RTN4RL2: variants seen among roughly 807,000 people sequenced by gnomAD.
RTN4RL2 encodes the protein reticulon 4 receptor like 2.
RTN4RL2 carries 9 observed loss-of-function variants against 27.8 expected under a neutral mutation model. The observed-to-expected ratio is 0.32, with a 90% CI of 0.20 to 0.57. RTN4RL2 has a LOEUF of 0.57. RTN4RL2 is among the 20% of genes least tolerant of loss of function. RTN4RL2 has a pLI of 0.90. For missense variants in RTN4RL2, 436 were observed against 596.8 expected, an observed-to-expected ratio of 0.73 and a Z score of 2.81; for synonymous variants, 285 against 297.9, an observed-to-expected ratio of 0.96 and a Z score of 0.45.
rs1191639322 is a variant in RTN4RL2 at position 57,467,708 on chromosome 11, T to C, written c.131T>C (p.Val44Ala). Reference sequence around the variant, plus strand: ...ACCTGCTACTCATCCCCGCCCACCGTGAGCTGCCAGGCCAACAACTTCTCC... The same window carrying C: ...ACCTGCTACTCATCCCCGCCCACCGCGAGCTGCCAGGCCAACAACTTCTCC... ...LCTCYSSPPT[V>A]SCQANNFSSV... Residue 44 changes from valine to alanine, a missense_variant, in exon 2 of 3, where the codon GTG (valine) becomes GCG (alanine). Physicochemically the swap from Val to Ala is moderately conservative, Grantham distance 64. This residue lies in a region of RTN4RL2 where 365 missense variants were observed against 530.5 expected (regional missense o/e 0.69). Transcript: ENST00000335099. This position sits in a 1 kb window ranked among gnomAD's most constrained non-coding sequence, Gnocchi z 5.5. 6.2e-7 allele frequency: 1 copy of C among 1,612,436 alleles called. No homozygotes were observed. The highest frequency in any genetic ancestry group is 2.2e-5 in the East Asian group (1 of 44,846).
rs1165867334 is a variant in RTN4RL2, at chr11:57,467,730, C to T, written c.153C>T (p.Phe51=). ...CCGTGAGCTGCCAGGCCAACAACTT[C>T]TCCTCTGTGCCGCTGTCCCTGCCAC... ...PPTVSCQANN[F]SSVPLSLPPS... Residue 51 remains phenylalanine (F), a synonymous_variant, in exon 2 of 3, where the codon TTC becomes TTT. Coordinates refer to ENST00000335099, the MANE Select transcript of RTN4RL2 (RefSeq NM_178570.3). The surrounding 1 kb of genome is among the most constrained non-coding windows in gnomAD (Gnocchi z 5.5). 1.4e-5 allele frequency: 22 copies of T among 1,613,538 alleles called. No homozygotes were observed. Among genetic ancestry groups the T allele is most frequent in the Non-Finnish European group, 1.6e-5 (19 of 1,180,010 alleles).
At chr11:57,475,102 T>G (rs371878975) in intron 2 of RTN4RL2, among the ~76,000 whole-genome samples, 185 of 152,312 alleles carry the variant, frequency 1.2e-3, no homozygotes, top group African/African-American at 4.2e-3. Context: ...CCTATTGTCA[T>G]AGTAGCCACC....
chr11:57,477,081 G>C lies in RTN4RL2; in HGVS notation c.*170G>C, dbSNP rs917767945. Reference sequence around the variant, plus strand: ...GCCGCCTCTCCTTGCCTGCCCCCTGGGCTGTCCTGACTTGTGGCAGCCCCA... The same window carrying C: ...GCCGCCTCTCCTTGCCTGCCCCCTGCGCTGTCCTGACTTGTGGCAGCCCCA... On this transcript the variant is annotated 3_prime_UTR_variant, in exon 3 of 3. Coordinates refer to ENST00000335099, the MANE Select transcript of RTN4RL2 (RefSeq NM_178570.3). 3.2e-6 allele frequency: 2 copies of C among 629,078 alleles called. No homozygotes were observed. Among genetic ancestry groups the C allele is most frequent in the East Asian group, 6.8e-5 (2 of 29,222 alleles). 39.0% of individuals were successfully genotyped at this position (629,078 alleles called of 1,614,324 possible). A position where few individuals can be genotyped will look rare whatever the true frequency, so the allele number is the denominator to read the frequency against.
chr11:57,472,914 G>A (rs1943572346), intron 2 of RTN4RL2, among the ~76,000 whole-genome samples: 1 of 152,170 alleles, frequency 6.6e-6, no homozygotes, highest in South Asian at 2.1e-4. Context: ...TGGAAGCCAC[G>A]TTCCACTGCA....
Position 57,476,575 on chromosome 11 carries a change from G to C in RTN4RL2, c.927G>C (p.Ala309=). The change falls in exon 3 of 3, where the codon GCG becomes GCC. Residue 309 remains alanine (A), a synonymous_variant. Transcript: ENST00000335099. The surrounding 1 kb of genome is among the most constrained non-coding windows in gnomAD (Gnocchi z 8.2). ...LRALREADFQ[A]CPPAAPTRPG... The stretch of plus-strand genomic sequence containing the variant: ...CGCTCCGCGAGGCCGACTTCCAGGC[G>C]TGTCCGCCCGCGGCACCCACGCGGC... 3 of 1,398,270 alleles carry C rather than the reference G, an allele frequency of 2.1e-6. No homozygotes were observed. The highest frequency in any genetic ancestry group is 2.8e-6 in the Non-Finnish European group (3 of 1,083,396). The allele number at this position is 1,398,270 out of a possible 1,614,324, so 86.6% of individuals were successfully genotyped here.
At chr11:57,463,423 C>T (rs1356591572) in intron 1 of RTN4RL2, among the ~76,000 whole-genome samples, 1 of 152,022 alleles carries the variant, frequency 6.6e-6, no homozygotes, top group African/African-American at 2.4e-5. Context: ...TTCCTCTGTC[C>T]ATGAAGTAGT....
chr11:57,468,512 C>T, intron 2 of RTN4RL2: 1 of 1,495,900 alleles, frequency 6.7e-7, no homozygotes. Context: ...GTATCTGTCT[C>T]TTTCTGTGAT....
At chr11:57,464,086 G>A (rs2511986) in intron 1 of RTN4RL2, among the ~76,000 whole-genome samples, 1 of 152,124 alleles carries the variant, frequency 6.6e-6, no homozygotes, top group African/African-American at 2.4e-5. Flanking sequence ...CCCCCAGCAC[G>A]GGGTCGCTCT....
At chr11:57,469,265 T>C (rs1943547574) in intron 2 of RTN4RL2, among the ~76,000 whole-genome samples, 3 of 152,194 alleles carry the variant, frequency 2.0e-5, no homozygotes, top group Non-Finnish European at 4.4e-5. Context: ...AGAGATACCA[T>C]TCCCATGAGG....
At chr11:57,474,050 C>T (rs886354078) in intron 2 of RTN4RL2, among the ~76,000 whole-genome samples, 2 of 151,766 alleles carry the variant, frequency 1.3e-5, no homozygotes, top group Non-Finnish European at 2.9e-5. Context: ...AAAAGAGGAA[C>T]CCCATTTAGG....
rs1330619788 is a variant in RTN4RL2, at chr11:57,460,735, C to A, written c.-131C>A. The A allele has an allele frequency of 7.5e-6, 3 of 401,138 alleles. No individual in the cohort carries two copies. Among genetic ancestry groups the A allele is most frequent in the Non-Finnish European group, 1.3e-5 (3 of 224,538 alleles). The allele number at this position is 401,138 out of a possible 1,614,324, so 24.8% of individuals were successfully genotyped here. A position where few individuals can be genotyped will look rare whatever the true frequency, so the allele number is the denominator to read the frequency against. ...CGGCGCAGGGTAGAGCGCCGCGGCC[C>A]GGCCACGCAGCCCGGGGACTCCCGG... On this transcript the variant is annotated 5_prime_UTR_variant, in exon 1 of 3. Transcript: ENST00000335099.
At chr11:57,472,571 C>T (rs1407559578) in intron 2 of RTN4RL2, among the ~76,000 whole-genome samples, 1 of 152,174 alleles carries the variant, frequency 6.6e-6, no homozygotes, top group African/African-American at 2.4e-5. Flanking sequence ...GTTTGAATTC[C>T]AGCCACACCT....
intron 2 of RTN4RL2, among the ~76,000 whole-genome samples, chr11:57,472,158 A>G (rs1395926897): frequency 6.6e-6 from 1 of 151,120 alleles, no homozygotes; most frequent in African/African-American, 2.4e-5. Context: ...GCACCCGCCG[A>G]CACTTGTTTT....
intron 2 of RTN4RL2, among the ~76,000 whole-genome samples, chr11:57,472,176 A>T (rs911967966): frequency 1.3e-5 from 2 of 151,172 alleles, no homozygotes; most frequent in Non-Finnish European, 2.9e-5. Flanking sequence ...TTTCTCTTTC[A>T]GTCATTACAG....
chr11:57,476,407 C>G lies in RTN4RL2; in HGVS notation c.759C>G (p.Leu253=), dbSNP rs758025718. The G allele has an allele frequency of 9.4e-6, 15 of 1,601,450 alleles. 1 individual carries two copies. Among genetic ancestry groups the G allele is most frequent in the Non-Finnish European group, 1.2e-5 (14 of 1,178,382 alleles). The change falls in exon 3 of 3, where the codon CTC becomes CTG. Residue 253 remains leucine, a synonymous_variant. Coordinates refer to ENST00000335099, the MANE Select transcript of RTN4RL2 (RefSeq NM_178570.3). This position sits in a 1 kb window ranked among gnomAD's most constrained non-coding sequence, Gnocchi z 8.2. ...AGGCGCTCGCCGACCTGCCCTCGCTCGAGTTCCTGCGGCTCAACGCTAACC... is the reference window on the plus strand; with the variant it reads ...AGGCGCTCGCCGACCTGCCCTCGCTGGAGTTCCTGCGGCTCAACGCTAACC... The part of the protein sequence containing the change: ...PGEALADLPS[L]EFLRLNANPW...
At position 57,469,803 on chromosome 11, in the gene RTN4RL2, G is replaced by T. The variant is rs564066406; in HGVS notation, c.513+1713G>T. ...CACCTCATCTCATTTCTACAGCCCAGTTGGGAGATTATTTTCACCTCCTTG... is the reference window on the plus strand; with the variant it reads ...CACCTCATCTCATTTCTACAGCCCATTTGGGAGATTATTTTCACCTCCTTG... On this transcript the variant is annotated intron_variant, in intron 2 of 2. Transcript: ENST00000335099. 1.1e-4 allele frequency among the ~76,000 whole-genome samples: 16 copies of T among 152,318 alleles called. No individual in the cohort carries two copies. The South Asian group carries it at 1.4e-3, about 14-fold the overall frequency.
chr11:57,463,247 A>G (rs1397228365), intron 1 of RTN4RL2, among the ~76,000 whole-genome samples: 5 of 152,190 alleles, frequency 3.3e-5, no homozygotes, highest in Admixed American at 6.5e-5. Flanking sequence ...TGTTGTGTTC[A>G]ATGTATAAAG....
Position 57,477,147 on chromosome 11 carries a change from C to A in RTN4RL2, c.*236C>A. On this transcript the variant is annotated 3_prime_UTR_variant, in exon 3 of 3. Coordinates refer to ENST00000335099, the MANE Select transcript of RTN4RL2 (RefSeq NM_178570.3). ...TGGCTCAGCCCTGCCCTCCCCAGTT[C>A]TGGCCATTAACTCTTCCCCATCCCA... The A allele has an allele frequency of 2.2e-6, 1 of 450,256 alleles. No individual in the cohort carries two copies. 27.9% of individuals were successfully genotyped at this position (450,256 alleles called of 1,614,324 possible). A position where few individuals can be genotyped will look rare whatever the true frequency, so the allele number is the denominator to read the frequency against.
chr11:57,472,785 A>C (rs573594973), intron 2 of RTN4RL2, among the ~76,000 whole-genome samples: 2 of 152,178 alleles, frequency 1.3e-5, no homozygotes, highest in African/African-American at 4.8e-5. Context: ...GAGGACACCA[A>C]CTGAAGCTCA....
Sources: gnomAD v4.1 joint callset for allele counts (sites outside exome capture counted in the v4.1 genomes callset) on GRCh38, gnomAD v4.1.1 for gene constraint, gnomAD v4.1.1 regional missense constraint, Gnocchi (gnomAD v3.1) non-coding constraint, MANE v1.5 for transcripts, NCBI Gene and HGNC (gene_info 2026-07-23, HGNC 2026-07-21) for gene names.